Variants in NF2 observed in about 807,000 individuals in gnomAD.
NF2 encodes NF2, moesin-ezrin-radixin like (MERLIN) tumor suppressor.
A neutral mutation model predicts 83.7 loss-of-function variants in NF2; 8 were observed. That is an observed-to-expected ratio of 0.10 (90% CI 0.06 to 0.17). The LOEUF is 0.17. NF2 is among the 10% of genes least tolerant of loss of function. NF2 has a pLI of 1.00. For synonymous variants in NF2, 266 were observed against 269.6 expected (o/e 0.99, Z 0.13); for missense variants, 533 against 744.4 (o/e 0.72, Z 3.31).
chr22:29,639,243 G>C, intron 3 of NF2, 31 bp downstream of exon 3: 1 of 1,613,524 alleles, frequency 6.2e-7, no homozygotes. Context: ...CCCCAGTTCT[G>C]AGAGAACTTG....
intron 7 of NF2, among the ~76,000 whole-genome samples, chr22:29,660,871 C>A (rs114228106): frequency 2.0e-5 from 3 of 152,214 alleles, no homozygotes; most frequent in African/African-American, 7.2e-5. Flanking sequence ...CCCGCCTAAA[C>A]CTATGGGCTT....
intron 3 of NF2, among the ~76,000 whole-genome samples, chr22:29,639,741 G>C (rs1271577105): frequency 6.6e-6 from 1 of 151,550 alleles, no homozygotes. Context: ...AATTAGCCGG[G>C]TGTGGTGGCA....
At position 29,678,496 on chromosome 22, in the gene NF2, G is replaced by A. The variant is rs56188151; in HGVS notation, c.1574+173G>A. ...AAGAATTTCCTTAATCAGAAATTAA[G>A]GACAACAGATCAGCATTCATTCTGA... On this transcript the variant is annotated intron_variant, in intron 14 of 15. Coordinates refer to ENST00000338641, the MANE Select transcript of NF2 (RefSeq NM_000268.4). Among the ~76,000 whole-genome samples, 11,175 of 152,192 alleles carry A rather than the reference G, an allele frequency of 0.073. 433 individuals carry two copies. The highest frequency in any genetic ancestry group is 0.078 in the African/African-American group (3,249 of 41,520).
intron 10 of NF2, 150 bp from the exon 11 acceptor site, chr22:29,671,676 G>A: frequency 9.5e-7 from 1 of 1,051,124 alleles, no homozygotes; most frequent in South Asian, 1.4e-5. Context: ...ACGGGGTGGG[G>A]GGCAATAAGA....
intron 15 of NF2, chr22:29,682,921 A>T (rs148724583): frequency 5.6e-6 from 8 of 1,418,678 alleles, no homozygotes; most frequent in Middle Eastern, 3.5e-4. Context: ...ACTCATCACG[A>T]TTTCAGGCCT....
At chr22:29,643,900 G>A (rs1285258142) in intron 4 of NF2, among the ~76,000 whole-genome samples, 3 of 151,498 alleles carry the variant, frequency 2.0e-5, no homozygotes, top group Non-Finnish European at 4.4e-5. Flanking sequence ...CCCGGATGGG[G>A]CGGCTGGCCG....
At chr22:29,660,546 A>T (rs545899462) in intron 7 of NF2, among the ~76,000 whole-genome samples, 2 of 152,314 alleles carry the variant, frequency 1.3e-5, no homozygotes, top group Admixed American at 6.5e-5. Context: ...TTCTTTAAAT[A>T]TAAGAAATCA....
intron 1 of NF2, among the ~76,000 whole-genome samples, chr22:29,623,728 T>C (rs1366059428): frequency 6.6e-6 from 1 of 152,120 alleles, no homozygotes; most frequent in Admixed American, 6.5e-5. Flanking sequence ...TCTTGTCTGG[T>C]TCCTGCATCG....
chr22:29,638,615 G>A (rs962279227), intron 2 of NF2, among the ~76,000 whole-genome samples: 2 of 152,088 alleles, frequency 1.3e-5, no homozygotes, highest in African/African-American at 2.4e-5. Flanking sequence ...GCCTCCCAGC[G>A]TGCTGGGATT....
intron 13 of NF2, among the ~76,000 whole-genome samples, chr22:29,676,050 A>G (rs1045751582): frequency 1.8e-4 from 27 of 151,940 alleles, no homozygotes; most frequent in African/African-American, 5.8e-4. Flanking sequence ...CCAGACAGAG[A>G]TCCTTGCTGG....
intron 1 of NF2, among the ~76,000 whole-genome samples, chr22:29,629,843 C>T (rs1457664498): frequency 6.6e-6 from 1 of 152,220 alleles, no homozygotes; most frequent in Non-Finnish European, 1.5e-5. Context: ...AATATTGCTT[C>T]TCTCTTAGCT....
At chr22:29,607,769 TATG>T (rs1452745939) in intron 1 of NF2, among the ~76,000 whole-genome samples, 5 of 151,910 alleles carry the variant, frequency 3.3e-5, no homozygotes, top group African/African-American at 9.7e-5. Context: ...TAAAGGAAAA[TATG>T]ATGACAAAGA....
At chr22:29,632,767 A>G (rs980951555) in intron 1 of NF2, among the ~76,000 whole-genome samples, 3 of 152,126 alleles carry the variant, frequency 2.0e-5, no homozygotes, top group Non-Finnish European at 4.4e-5. Context: ...GTATGTACAC[A>G]CTTGCCTGGG....
rs58520137 is a variant in NF2 at position 29,636,640 on chromosome 22, TG to T, written c.115-110del. 6,172 of 1,352,380 alleles carry T rather than the reference TG, an allele frequency of 4.6e-3. 116 individuals carry two copies. The African/African-American group carries it at 0.048, about 11-fold the overall frequency. The allele number at this position is 1,352,380 out of a possible 1,614,324, so 83.8% of individuals were successfully genotyped here. A position where few individuals can be genotyped will look rare whatever the true frequency, so the allele number is the denominator to read the frequency against. ...ATTTAGGAATTCAGTCCTCATCAGC[TG>T]TCTTAGTGTCATCCCCACGTTTTGG... On this transcript the variant is annotated intron_variant, in intron 1 of 15. Coordinates refer to ENST00000338641, the MANE Select transcript of NF2 (RefSeq NM_000268.4). This position sits in a 1 kb window ranked among gnomAD's most constrained non-coding sequence, Gnocchi z 4.4.
intron 1 of NF2, chr22:29,608,992 G>A (rs1246617175): frequency 3.1e-6 from 2 of 655,268 alleles, no homozygotes; most frequent in South Asian, 3.4e-5. Context: ...CTCTGGGGTC[G>A]ATTATCTCCA....
intron 1 of NF2, among the ~76,000 whole-genome samples, chr22:29,630,981 A>G (rs1197790553): frequency 6.6e-6 from 1 of 151,970 alleles, no homozygotes; most frequent in African/African-American, 2.4e-5. Context: ...TAAACATGAG[A>G]CTCATCCCAC....
Position 29,697,872 on chromosome 22 carries a change from C to T in NF2, c.*3070C>T, listed in dbSNP as rs967846060. ...TGAGCCACCGCGCTTGGCCAGACTG[C>T]GTCCTTTTTAAGCGAACATTTTAGG... On this transcript the variant is annotated 3_prime_UTR_variant, in exon 16 of 16. Transcript: ENST00000338641. 2.5e-5 allele frequency: 5 copies of T among 200,844 alleles called. No individual in the cohort carries two copies. Among genetic ancestry groups the T allele is most frequent in the African/African-American group, 6.9e-5 (3 of 43,464 alleles). 12.4% of individuals were successfully genotyped at this position (200,844 alleles called of 1,614,324 possible). A position where few individuals can be genotyped will look rare whatever the true frequency, so the allele number is the denominator to read the frequency against.
chr22:29,696,926 C>G lies in NF2; in HGVS notation c.*2124C>G, dbSNP rs1401222344. 2 of 180,638 alleles carry G rather than the reference C, an allele frequency of 1.1e-5. No individual in the cohort carries two copies. Among genetic ancestry groups the G allele is most frequent in the Non-Finnish European group, 2.4e-5 (2 of 84,964 alleles). 11.2% of individuals were successfully genotyped at this position (180,638 alleles called of 1,614,324 possible). On this transcript the variant is annotated 3_prime_UTR_variant, in exon 16 of 16. Coordinates refer to ENST00000338641, the MANE Select transcript of NF2 (RefSeq NM_000268.4). ...CCGCCTCCCAGGTACAAGAGATTCTCCTGCCTCAGCCTCCCGAGTAGCTGG... is the reference window on the plus strand; with the variant it reads ...CCGCCTCCCAGGTACAAGAGATTCTGCTGCCTCAGCCTCCCGAGTAGCTGG...
intron 4 of NF2, among the ~76,000 whole-genome samples, chr22:29,649,174 C>A (rs190506759): frequency 2.6e-4 from 39 of 151,888 alleles, no homozygotes; most frequent in Non-Finnish European, 5.3e-4. Flanking sequence ...CAAAAGGCCA[C>A]ATATTTTATG....
Sources: allele counts gnomAD v4.1 joint callset (sites outside exome capture counted in the v4.1 genomes callset), GRCh38; gene constraint gnomAD v4.1.1; non-coding constraint Gnocchi (gnomAD v3.1); transcripts MANE v1.5; gene names NCBI Gene and HGNC (gene_info 2026-07-23, HGNC 2026-07-21).